SNRK: variants seen among roughly 807,000 people sequenced by gnomAD.
The protein encoded by SNRK is SNF-related serine/threonine-protein kinase.
A neutral mutation model predicts 48.2 loss-of-function variants in SNRK; 3 were observed. The observed-to-expected ratio is 0.06, with a 90% CI of 0.03 to 0.16. SNRK has a LOEUF of 0.16. SNRK is among the 10% of genes least tolerant of loss of function. The pLI is 1.00. For missense variants in SNRK, 627 were observed against 976.0 expected (o/e 0.64, Z 4.76); for synonymous variants, 376 against 366.1 (o/e 1.03, Z -0.31).
intron 1 of SNRK, among the ~76,000 whole-genome samples, chr3:43,287,566 C>T (rs1280199025): frequency 6.6e-6 from 1 of 152,186 alleles, no homozygotes; most frequent in Non-Finnish European, 1.5e-5. Flanking sequence ...CACCCCCCTT[C>T]CCTTTAATTA....
rs371078181 is a variant in SNRK at position 43,296,415 on chromosome 3, C to CATAT, written c.-168-3324_-168-3321dup. ...TGTTTGTATTAGATGGATATACTGGCATATATATATATATATATGTATATA... is the reference window on the plus strand; with the variant it reads ...TGTTTGTATTAGATGGATATACTGGCATATATATATATATATATATATGTATATA... On this transcript the variant is annotated intron_variant, in intron 1 of 6. Transcript: ENST00000296088. Among the ~76,000 whole-genome samples the CATAT allele has an allele frequency of 8.2e-3, 1,038 of 127,182 alleles. 16 individuals are homozygous for CATAT. Among genetic ancestry groups the CATAT allele is most frequent in the East Asian group, 0.05 (221 of 4,444 alleles). 83.4% of individuals were successfully genotyped at this position (127,182 alleles called of 152,430 possible). A position where few individuals can be genotyped will look rare whatever the true frequency, so the allele number is the denominator to read the frequency against.
In SNRK at chr3:43,303,290, G is replaced by C; in HGVS notation, c.87G>C (p.Val29=). The change falls in exon 3 of 7, where the codon GTG becomes GTC. Residue 29 remains valine (V), a synonymous_variant. Coordinates refer to ENST00000296088, the MANE Select transcript of SNRK (RefSeq NM_017719.5). This position sits in a 1 kb window ranked among gnomAD's most constrained non-coding sequence, Gnocchi z 6.2. The part of the protein sequence containing the change: ...DKTLGRGHFA[V]VKLARHVFTG... Reference sequence around the variant, plus strand: ...CCTTGGGTCGAGGCCATTTTGCCGTGGTTAAACTTGCCAGGCATGTCTTTA... The same window carrying C: ...CCTTGGGTCGAGGCCATTTTGCCGTCGTTAAACTTGCCAGGCATGTCTTTA... 6.2e-7 allele frequency: 1 copy of C among 1,614,114 alleles called. No individual in the cohort carries two copies. Among genetic ancestry groups the C allele is most frequent in the South Asian group, 1.1e-5 (1 of 91,076 alleles).
chr3:43,325,431 C>G (rs2091088733), intron 3 of SNRK, among the ~76,000 whole-genome samples: 1 of 152,192 alleles, frequency 6.6e-6, no homozygotes, highest in Admixed American at 6.5e-5. Flanking sequence ...TCCCAAAGTG[C>G]TGGGATTACA....
intron 3 of SNRK, among the ~76,000 whole-genome samples, chr3:43,326,052 G>A (rs1179994100): frequency 1.3e-5 from 2 of 152,124 alleles, no homozygotes; most frequent in Admixed American, 1.3e-4. Flanking sequence ...TTGGAAGGGT[G>A]TCTGCTGCTT....
At chr3:43,341,442 T>C (rs962562748) in intron 5 of SNRK, among the ~76,000 whole-genome samples, 3 of 152,220 alleles carry the variant, frequency 2.0e-5, no homozygotes, top group Non-Finnish European at 4.4e-5. Flanking sequence ...TGAGCCACTG[T>C]GCCCAGCCCC....
Position 43,343,421 on chromosome 3 carries a change from A to C in SNRK, c.1022A>C (p.Gln341Pro), listed in dbSNP as rs2091252175. The change falls in exon 6 of 7, where the codon CAA becomes CCA. Residue 341 changes from glutamine to proline, a missense_variant. Physicochemically the swap from Gln to Pro is moderately conservative, Grantham distance 76. This residue lies in a region of SNRK where 175 missense variants were observed against 209.7 expected (regional missense o/e 0.83). Transcript: ENST00000296088. ...LLAERILREK[Q>P]EKEIQTRSAS... The stretch of plus-strand genomic sequence containing the variant: ...GCTGAAAGGATCCTGAGAGAAAAGC[A>C]AGAGAAAGAAATACAGACCAGATCT... The C allele has an allele frequency of 2.5e-6, 4 of 1,614,250 alleles. No individual in the cohort carries two copies. The highest frequency in any genetic ancestry group is 1.7e-4 in the Middle Eastern group (1 of 6,060).
At chr3:43,329,542 C>T (rs1012801342) in intron 3 of SNRK, among the ~76,000 whole-genome samples, 1 of 152,062 alleles carries the variant, frequency 6.6e-6, no homozygotes, top group African/African-American at 2.4e-5. Context: ...AACTTAGTTA[C>T]CCTGCTGTTC....
chr3:43,298,160 A>G (rs2090871068), intron 1 of SNRK, among the ~76,000 whole-genome samples: 1 of 152,174 alleles, frequency 6.6e-6, no homozygotes, highest in African/African-American at 2.4e-5. Flanking sequence ...TCTTATTACT[A>G]ACATTTTCTA....
chr3:43,312,491 AACTTTAT>A (rs761034293), intron 3 of SNRK, among the ~76,000 whole-genome samples: 41 of 152,294 alleles, frequency 2.7e-4, no homozygotes, highest in Non-Finnish European at 4.6e-4. Context: ...GAGGAACATC[AACTTTAT>A]AAAGAGAATC....
intron 2 of SNRK, among the ~76,000 whole-genome samples, chr3:43,301,346 T>C (rs781008211): frequency 5.9e-5 from 9 of 152,198 alleles, no homozygotes; most frequent in Non-Finnish European, 8.8e-5. Context: ...GGGCATTGAT[T>C]AGAGTGGCCA....
intron 5 of SNRK, 73 bp from the exon 6 acceptor site, chr3:43,343,271 A>T (rs774209315): frequency 5.0e-5 from 74 of 1,491,944 alleles, no homozygotes; most frequent in Non-Finnish European, 6.3e-5. Context: ...TTGTACTTTT[A>T]AAAATCAATT....
chr3:43,319,486 G>C (rs2091038142), intron 3 of SNRK, among the ~76,000 whole-genome samples: 2 of 152,058 alleles, frequency 1.3e-5, no homozygotes, highest in Admixed American at 6.5e-5. Context: ...AATAAAAGAG[G>C]GGCTGTGGAT....
At chr3:43,294,030 A>G (rs2090833765) in intron 1 of SNRK, among the ~76,000 whole-genome samples, 1 of 152,238 alleles carries the variant, frequency 6.6e-6, no homozygotes, top group Non-Finnish European at 1.5e-5. Flanking sequence ...TAGCCTCAAA[A>G]TATGGTAGCA....
intron 4 of SNRK, among the ~76,000 whole-genome samples, chr3:43,339,371 C>A (rs186470927): frequency 6.6e-6 from 1 of 152,224 alleles, no homozygotes; most frequent in Admixed American, 6.5e-5. Context: ...TTATATGCAC[C>A]CAACATAGCT....
chr3:43,309,614 T>TG (rs1457535714), intron 3 of SNRK, among the ~76,000 whole-genome samples: 2 of 149,822 alleles, frequency 1.3e-5, no homozygotes, highest in Non-Finnish European at 3.0e-5. Flanking sequence ...GAAATAAGGT[T>TG]TTTTTTTTTT....
intron 4 of SNRK, among the ~76,000 whole-genome samples, chr3:43,337,782 T>C (rs930114489): frequency 6.6e-6 from 1 of 152,196 alleles, no homozygotes; most frequent in African/African-American, 2.4e-5. Flanking sequence ...GAGAAGCTAC[T>C]GAACACTTAT....
At chr3:43,316,957 CCTTT>C (rs1194324822) in intron 3 of SNRK, among the ~76,000 whole-genome samples, 2 of 152,058 alleles carry the variant, frequency 1.3e-5, no homozygotes, top group South Asian at 4.1e-4. Context: ...GTTCATAGTA[CCTTT>C]GCAGTTTTCT....
rs1398214089 is a variant in SNRK at position 43,340,443 on chromosome 3, C to T, written c.888C>T (p.Asn296=). The T allele has an allele frequency of 1.2e-6, 2 of 1,614,064 alleles. No homozygotes were observed. Among genetic ancestry groups the T allele is most frequent in the African/African-American group, 1.3e-5 (1 of 74,924 alleles). Residue 296 remains asparagine, a synonymous_variant, in exon 5 of 7, where the codon AAC becomes AAT. Coordinates refer to ENST00000296088, the MANE Select transcript of SNRK (RefSeq NM_017719.5). ...SYKNLSEEEH[N]SIIQRMVLGD... is the part of the protein sequence containing the mutation. ...AAAATCTCTCGGAAGAGGAGCACAA[C>T]AGCATCATTCAGCGCATGGTGCTTG...
rs1468101997 is a variant in SNRK at position 43,303,443 on chromosome 3, A to G, written c.240A>G (p.Glu80=). The stretch of plus-strand genomic sequence containing the variant: ...ATCCTAACATCGTCCGCCTTTATGA[A>G]GTTATTGACACCCAGACCAAACTAT... The part of the protein sequence containing the change: ...VQHPNIVRLY[E]VIDTQTKLYL... The change falls in exon 3 of 7, where the codon GAA becomes GAG. Residue 80 remains glutamate, a synonymous_variant. Coordinates refer to ENST00000296088, the MANE Select transcript of SNRK (RefSeq NM_017719.5). This position sits in a 1 kb window ranked among gnomAD's most constrained non-coding sequence, Gnocchi z 6.2. The G allele has an allele frequency of 6.2e-7, 1 of 1,614,150 alleles. No homozygotes were observed.
Sources: allele counts gnomAD v4.1 joint callset (sites outside exome capture counted in the v4.1 genomes callset), GRCh38; gene constraint gnomAD v4.1.1; regional missense constraint gnomAD v4.1.1; non-coding constraint Gnocchi (gnomAD v3.1); transcripts MANE v1.5; gene names NCBI Gene and HGNC (gene_info 2026-07-23, HGNC 2026-07-21).